The following MET variants were observed in gnomAD, a reference collection of about 807,000 sequenced individuals.
The protein encoded by MET is hepatocyte growth factor receptor.
Under a neutral mutation model 133.1 loss-of-function variants are expected in MET, and 48 were observed. The observed-to-expected ratio is 0.36, with a 90% confidence interval of 0.29 to 0.46. The LOEUF is 0.46. Among genes scored for constraint, MET ranks in the 20% least tolerant of loss-of-function variants. The pLI is 1.00. For missense variants in MET, 1,442 were observed against 1,695.9 expected (o/e 0.85, Z 2.63); for synonymous variants, 628 against 616.5 (o/e 1.02, Z -0.28).
intron 1 of MET, among the ~76,000 whole-genome samples, chr7:116,688,063 G>T (rs548251385): frequency 6.6e-6 from 1 of 152,304 alleles, no homozygotes; most frequent in South Asian, 2.1e-4. Flanking sequence ...GCTTTATGCC[G>T]AGGACATTTT....
intron 2 of MET, among the ~76,000 whole-genome samples, chr7:116,725,048 C>T (rs1362302823): frequency 1.2e-4 from 19 of 152,202 alleles, no homozygotes; most frequent in Non-Finnish European, 2.5e-4. Flanking sequence ...TTCTTTTAGA[C>T]AAGGCTCTTA....
chr7:116,768,022 G>A (rs1010604562), intron 11 of MET, among the ~76,000 whole-genome samples: 2 of 150,102 alleles, frequency 1.3e-5, no homozygotes, highest in Non-Finnish European at 3.0e-5. Context: ...ATATGTGTGT[G>A]TGTGTATATA....
In MET at chr7:116,739,958, T is replaced by G. The variant is rs2116825709; in HGVS notation, c.1401T>G (p.Val467=). The part of the protein sequence containing the change: ...TSEGRFMQVV[V]SRSGPSTPHV... ...ACTTTTTTGCTGTTTAGGTTGTGGT[T>G]TCTCGATCAGGACCATCAACCCCTC... is the stretch of plus-strand genomic sequence containing the variant. Residue 467 remains valine (V), a synonymous_variant, in exon 4 of 21, where the codon GTT becomes GTG. Coordinates refer to ENST00000397752, the MANE Select transcript of MET (RefSeq NM_000245.4). 6.2e-7 allele frequency: 1 copy of G among 1,614,108 alleles called. No homozygotes were observed. Among genetic ancestry groups the G allele is most frequent in the Non-Finnish European group, 8.5e-7 (1 of 1,179,970 alleles).
chr7:116,755,921 C>T (rs965198848), intron 6 of MET, among the ~76,000 whole-genome samples: 3 of 152,162 alleles, frequency 2.0e-5, no homozygotes, highest in Admixed American at 6.5e-5. Flanking sequence ...TTTAAATTCA[C>T]TTTCTAAACC....
rs2117111117 is a variant in MET at position 116,795,935 on chromosome 7, A to G, written c.3984A>G (p.Pro1328=). The G allele has an allele frequency of 2.5e-6, 4 of 1,614,176 alleles. No homozygotes were observed. Among genetic ancestry groups the G allele is most frequent in the Non-Finnish European group, 3.4e-6 (4 of 1,180,018 alleles). ...GGCACCCTAAAGCCGAAATGCGCCC[A>G]TCCTTTTCTGAACTGGTGTCCCGGA... ...KCWHPKAEMR[P]SFSELVSRIS... The change falls in exon 21 of 21, where the codon CCA becomes CCG. Residue 1328 remains proline (P), a synonymous_variant. Coordinates refer to ENST00000397752, the MANE Select transcript of MET (RefSeq NM_000245.4).
chr7:116,776,734 G>T (rs1795004034), intron 15 of MET, among the ~76,000 whole-genome samples: 2 of 152,188 alleles, frequency 1.3e-5, no homozygotes, highest in African/African-American at 4.8e-5. Flanking sequence ...ACCTCTGGGG[G>T]AAATTACTGC....
chr7:116,689,559 CTTTTTTTTTTTTTTTTT>C (rs534819031), intron 1 of MET, among the ~76,000 whole-genome samples: 1 of 94,774 alleles, frequency 1.1e-5, no homozygotes, highest in African/African-American at 4.5e-5. Flanking sequence ...TGGGCTTACT[CTTTTTTTTTTTTTTTTT>C]TTTTTTTTTT....
intron 1 of MET, among the ~76,000 whole-genome samples, chr7:116,694,360 TA>T (rs975238497): frequency 6.6e-6 from 1 of 152,198 alleles, no homozygotes; most frequent in Non-Finnish European, 1.5e-5. Flanking sequence ...TTTCTTTAAT[TA>T]AAAAAGTTAA....
In MET at chr7:116,699,564, C is replaced by T. The variant is rs1294924754; in HGVS notation, c.480C>T (p.Cys160=). 1 of 1,614,020 alleles carries T rather than the reference C, an allele frequency of 6.2e-7. No homozygotes were observed. ...CTGACATACAGTCGGAGGTTCACTGCATATTCTCCCCACAGATAGAAGAGC... is the reference window on the plus strand; with the variant it reads ...CTGACATACAGTCGGAGGTTCACTGTATATTCTCCCCACAGATAGAAGAGC... ...HTADIQSEVH[C]IFSPQIEEPS... The change falls in exon 2 of 21, where the codon TGC becomes TGT. Residue 160 remains cysteine, a synonymous_variant. Coordinates refer to ENST00000397752, the MANE Select transcript of MET (RefSeq NM_000245.4).
chr7:116,718,425 A>T (rs1396701351), intron 2 of MET, among the ~76,000 whole-genome samples: 2 of 152,038 alleles, frequency 1.3e-5, no homozygotes, highest in African/African-American at 4.8e-5. Context: ...AAAAATAAAT[A>T]AAATAAATAA....
intron 2 of MET, among the ~76,000 whole-genome samples, chr7:116,731,441 C>T (rs1276267801): frequency 3.3e-5 from 5 of 152,128 alleles, no homozygotes; most frequent in African/African-American, 1.2e-4. Context: ...CATATTGAAC[C>T]ATGGTGTGAA....
intron 10 of MET, among the ~76,000 whole-genome samples, chr7:116,761,125 C>T (rs1444923949): frequency 2.0e-5 from 3 of 152,114 alleles, no homozygotes; most frequent in Non-Finnish European, 2.9e-5. Flanking sequence ...AATGCCTTAG[C>T]TTCAGTCATT....
Position 116,726,065 on chromosome 7 carries a change from G to A in MET, c.1201-5603G>A, listed in dbSNP as rs576983482. ...AAAAAGAAACTAAAACAATAAGATA[G>A]AATCTTATGGGACCACCATAATATA... On this transcript the variant is annotated intron_variant, in intron 2 of 20. Transcript: ENST00000397752. Among the ~76,000 whole-genome samples, 4 of 133,790 alleles carry A rather than the reference G, an allele frequency of 3.0e-5. No individual in the cohort carries two copies. In the Admixed American group the frequency reaches 3.2e-4, roughly 11 times the overall value. 87.8% of individuals were successfully genotyped at this position (133,790 alleles called of 152,430 possible).
intron 3 of MET, 71 bp from the exon 4 acceptor site, chr7:116,739,879 A>G: frequency 1.9e-6 from 3 of 1,604,680 alleles, no homozygotes; most frequent in Admixed American, 1.7e-5. Context: ...TACCATTATC[A>G]TCTACATTTT....
At chr7:116,755,275 A>C in intron 5 of MET, 80 bp from the exon 6 acceptor site, 2 of 1,481,600 alleles carry the variant, frequency 1.3e-6, no homozygotes, top group South Asian at 2.4e-5. Context: ...AAGGATATAC[A>C]TTTTGTTTGT....
chr7:116,757,688 C>T lies in MET; in HGVS notation c.2016C>T (p.Gly672=), dbSNP rs768149852. ...CGAAATACGGTCCTATGGCTGGTGG[C>T]ACTTTACTTACTTTAACTGGAAATT... ...ISPKYGPMAG[G]TLLTLTGNYL... The change falls in exon 8 of 21, where the codon GGC becomes GGT. Residue 672 remains glycine (G), a synonymous_variant. Transcript: ENST00000397752. 6.2e-7 allele frequency: 1 copy of T among 1,613,896 alleles called. No homozygotes were observed. The highest frequency in any genetic ancestry group is 1.7e-5 in the Admixed American group (1 of 59,994).
In MET at chr7:116,699,425, A is replaced by G. The variant is rs773659883; in HGVS notation, c.341A>G (p.Asp114Gly). 6.2e-7 allele frequency: 1 copy of G among 1,614,100 alleles called. No individual in the cohort carries two copies. The highest frequency in any genetic ancestry group is 8.5e-7 in the Non-Finnish European group (1 of 1,179,960). Residue 114 changes from aspartate to glycine, a missense_variant, in exon 2 of 21, where the codon GAT becomes GGT. Asp to Gly is a moderately conservative substitution (Grantham distance 94). Transcript: ENST00000397752. ...AATTTATCAGGAGGTGTTTGGAAAG[A>G]TAACATCAACATGGCTCTAGTTGTC... Reference protein sequence around the residue: ...KANLSGGVWKDNINMALVVDT... With the variant: ...KANLSGGVWKGNINMALVVDT...
chr7:116,771,348 T>C, intron 12 of MET, 150 bp from the exon 13 acceptor site: 3 of 842,916 alleles, frequency 3.6e-6, no homozygotes, highest in Admixed American at 4.0e-5. Flanking sequence ...TGGAGCATAA[T>C]TGAGGAATCT....
chr7:116,690,112 A>G (rs1796728247), intron 1 of MET, among the ~76,000 whole-genome samples: 1 of 152,198 alleles, frequency 6.6e-6, no homozygotes, highest in South Asian at 2.1e-4. Context: ...GTCTCACCCA[A>G]GGGACTGTGC....
Sources: gnomAD v4.1 joint callset for allele counts (sites outside exome capture counted in the v4.1 genomes callset) on GRCh38, gnomAD v4.1.1 for gene constraint, MANE v1.5 for transcripts, NCBI Gene and HGNC (gene_info 2026-07-23, HGNC 2026-07-21) for gene names.